TMTC2: variants seen among roughly 807,000 people sequenced by gnomAD.
The protein encoded by TMTC2 is protein O-mannosyl-transferase TMTC2.
In TMTC2, 43 loss-of-function variants were observed where a neutral mutation model predicts 82.4. The observed-to-expected ratio is 0.52, with a 90% CI of 0.41 to 0.67. The LOEUF (loss-of-function observed/expected upper bound fraction) is 0.67. Ranked by LOEUF, TMTC2 falls within the 30% of genes least tolerant of loss-of-function variation. The probability of loss-of-function intolerance (pLI) is 0.00; values close to 1 mark genes in which losing one functional copy is unlikely to be tolerated. For missense variants in TMTC2, 919 were observed against 1,012.4 expected, an observed-to-expected ratio of 0.91 and a Z score of 1.25; for synonymous variants, 408 against 381.9, an observed-to-expected ratio of 1.07 and a Z score of -0.80.
chr12:83,108,408 G>T (rs904531778), intron 11 of TMTC2, among the ~76,000 whole-genome samples: 1 of 152,070 alleles, frequency 6.6e-6, no homozygotes. Flanking sequence ...AAGGCAGGCG[G>T]ATCATGAGGT....
intron 11 of TMTC2, among the ~76,000 whole-genome samples, chr12:83,131,522 A>G (rs979499334): frequency 4.6e-5 from 7 of 152,142 alleles, no homozygotes; most frequent in African/African-American, 1.7e-4. Context: ...TTTTCTTAGA[A>G]AGGTTTCATT....
chr12:82,897,344 C>T (rs970018726), intron 3 of TMTC2, among the ~76,000 whole-genome samples: 31 of 151,952 alleles, frequency 2.0e-4, no homozygotes, highest in Admixed American at 1.5e-3. Flanking sequence ...ATCTCAGAAT[C>T]GATAGAGTAG....
intron 7 of TMTC2, among the ~76,000 whole-genome samples, chr12:82,980,210 G>T (rs1878856309): frequency 6.6e-6 from 1 of 151,706 alleles, no homozygotes; most frequent in Non-Finnish European, 1.5e-5. Context: ...TTAAAATTAT[G>T]TTGCCAAATT....
chr12:83,075,272 G>A (rs1291529681), intron 11 of TMTC2, among the ~76,000 whole-genome samples: 1 of 152,170 alleles, frequency 6.6e-6, no homozygotes, highest in Non-Finnish European at 1.5e-5. Context: ...CAAAGGGTCT[G>A]TGGGTCCTCT....
chr12:82,794,202 A>T (rs1267518660), intron 1 of TMTC2, among the ~76,000 whole-genome samples: 1 of 152,128 alleles, frequency 6.6e-6, no homozygotes, highest in Non-Finnish European at 1.5e-5. Context: ...CAATTTGTTC[A>T]GCTAGTGTTG....
intron 11 of TMTC2, among the ~76,000 whole-genome samples, chr12:83,089,847 CA>C (rs200273951): frequency 0.042 from 5,671 of 135,652 alleles, 326 homozygotes; most frequent in African/African-American, 0.14. Flanking sequence ...AAACAAAAAA[CA>C]AAAAAAAAAA....
chr12:82,895,753 T>C lies in TMTC2; in HGVS notation c.655-65T>C, dbSNP rs1056458351. The C allele has an allele frequency of 5.9e-6, 8 of 1,367,510 alleles. No individual in the cohort carries two copies. The African/African-American group carries it at 1.0e-4, about 17-fold the overall frequency. The allele number at this position is 1,367,510 out of a possible 1,614,324, so 84.7% of individuals were successfully genotyped here. A position where few individuals can be genotyped will look rare whatever the true frequency, so the allele number is the denominator to read the frequency against. ...TTTAAAAATGTATTTTATCTCTAAG[T>C]GTTAAGTGTTCCCATGCTGTACTGA... On this transcript the variant is annotated intron_variant, in intron 2 of 11. Coordinates refer to ENST00000321196, the MANE Select transcript of TMTC2 (RefSeq NM_152588.3).
At chr12:82,791,799 T>C (rs1369458958) in intron 1 of TMTC2, among the ~76,000 whole-genome samples, 1 of 152,106 alleles carries the variant, frequency 6.6e-6, no homozygotes, top group Non-Finnish European at 1.5e-5. Context: ...TGAGACACTT[T>C]TTGAGAACTA....
chr12:82,956,626 G>C (rs917894098), intron 4 of TMTC2, among the ~76,000 whole-genome samples: 2 of 151,910 alleles, frequency 1.3e-5, no homozygotes, highest in African/African-American at 4.8e-5. Flanking sequence ...GCTAATTTTT[G>C]TATTTTTAGT....
At chr12:82,942,329 T>C (rs1285865984) in intron 4 of TMTC2, among the ~76,000 whole-genome samples, 1 of 152,192 alleles carries the variant, frequency 6.6e-6, no homozygotes, top group East Asian at 1.9e-4. Flanking sequence ...ATTAATAGGA[T>C]AAGATGTTTC....
intron 8 of TMTC2, 123 bp from the exon 9 acceptor site, chr12:83,030,675 A>AG: frequency 7.7e-6 from 5 of 652,344 alleles, no homozygotes; most frequent in Non-Finnish European, 1.0e-5. Flanking sequence ...TAAAAACAAA[A>AG]ATTTTTTTTT....
At chr12:82,859,534 G>A (rs1422868581) in intron 2 of TMTC2, among the ~76,000 whole-genome samples, 10 of 152,156 alleles carry the variant, frequency 6.6e-5, no homozygotes, top group Non-Finnish European at 1.2e-4. Context: ...CTCCTTCCTA[G>A]AAATATGTTC....
At chr12:82,781,728 A>G (rs200487342) in intron 1 of TMTC2, among the ~76,000 whole-genome samples, 155 of 147,862 alleles carry the variant, frequency 1.0e-3, no homozygotes, top group African/African-American at 3.6e-3. Context: ...TGGAGAGGAA[A>G]GTGAAAGGCG....
At chr12:82,872,416 C>T (rs376574762) in intron 2 of TMTC2, among the ~76,000 whole-genome samples, 1 of 152,180 alleles carries the variant, frequency 6.6e-6, no homozygotes, top group Non-Finnish European at 1.5e-5. Context: ...CAAAAGCATG[C>T]AAGCAAGAAT....
chr12:82,729,807 T>C (rs1408944521), intron 1 of TMTC2, among the ~76,000 whole-genome samples: 1 of 152,216 alleles, frequency 6.6e-6, no homozygotes, highest in Non-Finnish European at 1.5e-5. Context: ...GCAATAAATC[T>C]TGCTGCTGCT....
chr12:82,697,623 C>T (rs1319512349), intron 1 of TMTC2, among the ~76,000 whole-genome samples: 1 of 152,110 alleles, frequency 6.6e-6, no homozygotes, highest in Non-Finnish European at 1.5e-5. Flanking sequence ...TTGAGGTATT[C>T]AGATTTTGAA....
At chr12:82,715,063 A>G (rs1172773697) in intron 1 of TMTC2, among the ~76,000 whole-genome samples, 1 of 152,142 alleles carries the variant, frequency 6.6e-6, no homozygotes, top group Admixed American at 6.5e-5. Context: ...CGAGGTCAGG[A>G]GTTCGAGACC....
chr12:82,779,028 C>T (rs1354809347), intron 1 of TMTC2, among the ~76,000 whole-genome samples: 2 of 134,802 alleles, frequency 1.5e-5, no homozygotes, highest in Non-Finnish European at 3.1e-5. Context: ...CAGAGCGAGA[C>T]TCCATATCAA....
chr12:82,914,788 G>A (rs1022915661), intron 3 of TMTC2, among the ~76,000 whole-genome samples: 2 of 142,438 alleles, frequency 1.4e-5, no homozygotes, highest in African/African-American at 5.1e-5. Context: ...TCAGAGTTTA[G>A]TTTAGGCAAG....
Sources: gnomAD v4.1 joint callset for allele counts (sites outside exome capture counted in the v4.1 genomes callset) on GRCh38, gnomAD v4.1.1 for gene constraint, MANE v1.5 for transcripts, NCBI Gene and HGNC (gene_info 2026-07-23, HGNC 2026-07-21) for gene names.